GTF2H1: variants seen among roughly 807,000 people sequenced by gnomAD.
The protein encoded by GTF2H1 is general transcription factor IIH subunit 1, also known as BTF2 p62.
Under a neutral mutation model 71.2 loss-of-function variants are expected in GTF2H1, and 16 were observed. That is an observed-to-expected ratio of 0.22 (90% confidence interval 0.15 to 0.34). The LOEUF (loss-of-function observed/expected upper bound fraction) is 0.34. Ranked by LOEUF, GTF2H1 falls within the 10% of genes least tolerant of loss-of-function variation. GTF2H1 has a pLI of 1.00. For missense variants in GTF2H1, 498 were observed against 648.2 expected, an observed-to-expected ratio of 0.77 and a Z score of 2.52; for synonymous variants, 215 against 219.0, an observed-to-expected ratio of 0.98 and a Z score of 0.16.
At chr11:18,337,435 A>G (rs1865054676) in intron 3 of GTF2H1, among the ~76,000 whole-genome samples, 1 of 151,752 alleles carries the variant, frequency 6.6e-6, no homozygotes, top group Admixed American at 6.6e-5. Flanking sequence ...ACAGAGCGAG[A>G]CTCCATCTCA....
intron 1 of GTF2H1, among the ~76,000 whole-genome samples, chr11:18,328,404 TGGG>T (rs1167744726): frequency 6.9e-6 from 1 of 144,822 alleles, no homozygotes; most frequent in Non-Finnish European, 1.5e-5. Flanking sequence ...CCCAGCTACT[TGGG>T]GGGCTGAGGC....
At chr11:18,348,055 A>G (rs1565013663) in intron 9 of GTF2H1, 136 bp downstream of exon 9, 1 of 715,434 alleles carries the variant, frequency 1.4e-6, no homozygotes, top group Middle Eastern at 2.3e-4. Context: ...CTTAAAGTGT[A>G]TAGCATTACA....
Position 18,358,516 on chromosome 11 carries a change from C to T in GTF2H1, c.1352-9C>T, listed in dbSNP as rs1865619172. 1 of 1,525,628 alleles carries T rather than the reference C, an allele frequency of 6.6e-7. No homozygotes were observed. Among genetic ancestry groups the T allele is most frequent in the South Asian group, 1.1e-5 (1 of 89,120 alleles). 94.5% of individuals were successfully genotyped at this position (1,525,628 alleles called of 1,614,324 possible). A position where few individuals can be genotyped will look rare whatever the true frequency, so the allele number is the denominator to read the frequency against. The stretch of plus-strand genomic sequence containing the variant: ...CTCTTAACCTATGGGCCTTGTTCTT[C>T]TTTTGCAGAGATGGTGCCAAATGAT... On this transcript the variant is annotated splice_polypyrimidine_tract_variant and intron_variant, in intron 12 of 14. Transcript: ENST00000265963.
Position 18,366,024 on chromosome 11 carries a change from G to C in GTF2H1, c.*155G>C, listed in dbSNP as rs930357394. 1 of 603,178 alleles carries C rather than the reference G, an allele frequency of 1.7e-6. No individual in the cohort carries two copies. The highest frequency in any genetic ancestry group is 3.0e-6 in the Non-Finnish European group (1 of 338,000). 37.4% of individuals were successfully genotyped at this position (603,178 alleles called of 1,614,324 possible). On this transcript the variant is annotated 3_prime_UTR_variant, in exon 15 of 15. Transcript: ENST00000265963. ...TCCCAGAGCTGATGCTATTGTACTT[G>C]CACATTGGAGACTGAAAGGAAAGAA...
At chr11:18,337,695 TTATAA>T (rs1865064721) in intron 3 of GTF2H1, among the ~76,000 whole-genome samples, 3 of 152,252 alleles carry the variant, frequency 2.0e-5, no homozygotes, top group Non-Finnish European at 2.9e-5. Flanking sequence ...ATTATAAGAT[TTATAA>T]TATAAGATTT....
intron 1 of GTF2H1, among the ~76,000 whole-genome samples, chr11:18,329,610 C>G (rs1590180578): frequency 2.0e-5 from 3 of 152,196 alleles, no homozygotes; most frequent in Non-Finnish European, 4.4e-5. Context: ...GCCTTCTCCA[C>G]TATATGCCTC....
intron 5 of GTF2H1, among the ~76,000 whole-genome samples, chr11:18,339,925 A>G (rs1052506485): frequency 6.6e-6 from 1 of 152,110 alleles, no homozygotes; most frequent in African/African-American, 2.4e-5. Flanking sequence ...TTCCTAACCC[A>G]CAAATTACTT....
chr11:18,340,734 G>T (rs369852353), intron 5 of GTF2H1, among the ~76,000 whole-genome samples: 9 of 152,230 alleles, frequency 5.9e-5, no homozygotes, highest in African/African-American at 1.9e-4. Context: ...TTTTACAGAT[G>T]AGGAAACCAG....
In GTF2H1 at chr11:18,351,918, G is replaced by A. The variant is rs1345938998; in HGVS notation, c.1091G>A (p.Gly364Glu). 1 of 1,597,858 alleles carries A rather than the reference G, an allele frequency of 6.3e-7. No individual in the cohort carries two copies. Among genetic ancestry groups the A allele is most frequent in the South Asian group, 1.1e-5 (1 of 90,726 alleles). Residue 364 changes from glycine (G) to glutamate (E), a missense_variant, in exon 10 of 15, where the codon GGG becomes GAG. Physicochemically the swap from Gly to Glu is moderately conservative, Grantham distance 98. Around this residue, in one of 3 missense-constraint regions of GTF2H1, gnomAD observed 266 missense variants for 301.6 expected, o/e 0.88. Transcript: ENST00000265963. Reference sequence around the variant, plus strand: ...GAGTCCATTGAATATGAAGACTTGGGGAAAAATAATTCTGTAAAAACGATT... The same window carrying A: ...GAGTCCATTGAATATGAAGACTTGGAGAAAAATAATTCTGTAAAAACGATT... Reference protein sequence around the residue: ...LQESIEYEDLGKNNSVKTIAL... With the variant: ...LQESIEYEDLEKNNSVKTIAL...
chr11:18,339,557 GT>G lies in GTF2H1; in HGVS notation c.514-3del. The G allele has an allele frequency of 6.2e-7, 1 of 1,605,244 alleles. No individual in the cohort carries two copies. Among genetic ancestry groups the G allele is most frequent in the Non-Finnish European group, 8.5e-7 (1 of 1,172,106 alleles). On this transcript the variant is annotated splice_region_variant and splice_polypyrimidine_tract_variant and intron_variant, in intron 4 of 14. Transcript: ENST00000265963. Reference sequence around the variant, plus strand: ...TAACGTGTATGTGTGTATGGGCTTTGTTTTAGGCTGATGTCCGGCCCCAAAC... The same window carrying G: ...TAACGTGTATGTGTGTATGGGCTTTGTTTAGGCTGATGTCCGGCCCCAAAC...
chr11:18,328,202 C>CAA (rs35694798), intron 1 of GTF2H1, among the ~76,000 whole-genome samples: 4 of 99,938 alleles, frequency 4.0e-5, no homozygotes, highest in African/African-American at 1.6e-4. Context: ...GACTCCATCT[C>CAA]AAAAAAAAAA....
intron 11 of GTF2H1, among the ~76,000 whole-genome samples, chr11:18,356,377 C>CAA (rs771914874): frequency 2.7e-4 from 21 of 76,908 alleles, no homozygotes; most frequent in African/African-American, 5.1e-4. Context: ...GACTCTGTCT[C>CAA]AAAAAAAAAA....
intron 11 of GTF2H1, among the ~76,000 whole-genome samples, chr11:18,355,062 G>A (rs976719244): frequency 3.3e-5 from 5 of 150,924 alleles, no homozygotes; most frequent in South Asian, 2.1e-4. Context: ...CACTCGCCTC[G>A]GCCTCCCAAA....
chr11:18,365,578 T>C lies in GTF2H1; in HGVS notation c.1561-205T>C, dbSNP rs142423921. On this transcript the variant is annotated intron_variant, in intron 14 of 14. Transcript: ENST00000265963. ...GACAGCCATTACAACCGCAGCCTTT[T>C]CACTGCCCCCTACTTTCTGTCTTTC... 1.7e-4 allele frequency among the ~76,000 whole-genome samples: 26 copies of C among 152,242 alleles called. 1 individual carries two copies. Among genetic ancestry groups the C allele is most frequent in the African/African-American group, 6.0e-4 (25 of 41,558 alleles).
At chr11:18,324,365 C>G (rs936243216) in intron 1 of GTF2H1, 1 of 152,118 alleles carries the variant, frequency 6.6e-6, no homozygotes, top group African/African-American at 2.4e-5. Context: ...AAAATCAAAG[C>G]AAATTCAGAG....
chr11:18,338,248 G>T lies in GTF2H1; in HGVS notation c.487G>T (p.Asp163Tyr). 2 of 1,611,558 alleles carry T rather than the reference G, an allele frequency of 1.2e-6. No individual in the cohort carries two copies. Among genetic ancestry groups the T allele is most frequent in the Non-Finnish European group, 1.7e-6 (2 of 1,177,774 alleles). ...DSSSTSNHKQ[D>Y]VGISAAFLAD... ...TTCTTCCACATCCAATCATAAGCAG[G>T]ATGTTGGCATTTCTGCTGCATTTCT... Residue 163 changes from aspartate (D) to tyrosine (Y), a missense_variant, in exon 4 of 15, where the codon GAT (aspartate) becomes TAT (tyrosine). By Grantham distance (160) the Asp-to-Tyr change is radical. Around this residue, in one of 3 missense-constraint regions of GTF2H1, gnomAD observed 216 missense variants for 306.2 expected, o/e 0.71. Transcript: ENST00000265963.
rs372471584 is a variant in GTF2H1, at chr11:18,347,780, T to G, written c.966-52T>G. ...AGGATATCCAGATGGAGTTGTGGTGTTGTTTTGCTTGTGGTTTTTAACGTT... is the reference window on the plus strand; with the variant it reads ...AGGATATCCAGATGGAGTTGTGGTGGTGTTTTGCTTGTGGTTTTTAACGTT... On this transcript the variant is annotated intron_variant, in intron 8 of 14. Transcript: ENST00000265963. The G allele has an allele frequency of 1.9e-4, 296 of 1,593,544 alleles. No individual in the cohort carries two copies. Among genetic ancestry groups the G allele is most frequent in the East Asian group, 1.6e-3 (72 of 44,702 alleles).
chr11:18,355,314 T>C (rs1365415995), intron 11 of GTF2H1, among the ~76,000 whole-genome samples: 2 of 151,118 alleles, frequency 1.3e-5, no homozygotes, highest in Non-Finnish European at 3.0e-5. Flanking sequence ...GGCTAATTTT[T>C]TTGTATTTTT....
chr11:18,334,310 G>A (rs370115260), intron 2 of GTF2H1, among the ~76,000 whole-genome samples: 1 of 152,162 alleles, frequency 6.6e-6, no homozygotes, highest in East Asian at 1.9e-4. Flanking sequence ...AACTCAAGAG[G>A]CGGAGCTTGC....
Sources: gnomAD v4.1 joint callset for allele counts (sites outside exome capture counted in the v4.1 genomes callset) on GRCh38, gnomAD v4.1.1 for gene constraint, gnomAD v4.1.1 regional missense constraint, MANE v1.5 for transcripts, NCBI Gene and HGNC (gene_info 2026-07-23, HGNC 2026-07-21) for gene names.